FAAH: variants seen among roughly 807,000 people sequenced by gnomAD.
FAAH encodes the protein fatty acid amide hydrolase.
A neutral mutation model predicts 69.7 loss-of-function variants in FAAH; 63 were observed. The observed-to-expected ratio is 0.90, with a 90% confidence interval of 0.74 to 1.12. FAAH has a LOEUF of 1.12. Ranked by LOEUF, FAAH falls within the 50% of genes most tolerant of loss-of-function variation. The probability of loss-of-function intolerance (pLI) is 0.00; values close to 1 mark genes in which losing one functional copy is unlikely to be tolerated. For synonymous variants in FAAH, 305 were observed against 324.2 expected, an observed-to-expected ratio of 0.94 and a Z score of 0.64; for missense variants, 680 against 755.0, an observed-to-expected ratio of 0.90 and a Z score of 1.16.
At position 46,405,561 on chromosome 1, in the gene FAAH, G is replaced by T. The variant is rs780657412; in HGVS notation, c.579-27G>T. 2 of 1,613,068 alleles carry T rather than the reference G, an allele frequency of 1.2e-6. No homozygotes were observed. Among genetic ancestry groups the T allele is most frequent in the Admixed American group, 1.7e-5 (1 of 60,012 alleles). On this transcript the variant is annotated intron_variant, in intron 4 of 14. Coordinates refer to ENST00000243167, the MANE Select transcript of FAAH (RefSeq NM_001441.3). This position sits in a 1 kb window ranked among gnomAD's most constrained non-coding sequence, Gnocchi z 4.1. ...AGGGGCACCGGTCCCAGCATGGCAC[G>T]GGCTGACCCATTCTTGGCTCCTCCA...
In FAAH at chr1:46,405,956, A is replaced by G. The variant is rs1014290515; in HGVS notation, c.786-82A>G. 5 of 1,612,984 alleles carry G rather than the reference A, an allele frequency of 3.1e-6. No homozygotes were observed. The highest frequency in any genetic ancestry group is 1.3e-5 in the African/African-American group (1 of 74,864). ...GTGGGTCCTAGTTTCCAAAGCGGTG[A>G]GTGTTCAGAGCTGCTCTGTGGGTGT... On this transcript the variant is annotated intron_variant, in intron 5 of 14. Coordinates refer to ENST00000243167, the MANE Select transcript of FAAH (RefSeq NM_001441.3). This position sits in a 1 kb window ranked among gnomAD's most constrained non-coding sequence, Gnocchi z 4.1.
At chr1:46,398,999 C>G (rs1664650445) in intron 1 of FAAH, among the ~76,000 whole-genome samples, 1 of 152,128 alleles carries the variant, frequency 6.6e-6, no homozygotes, top group African/African-American at 2.4e-5. Flanking sequence ...CCACCCTGCC[C>G]CCTGAATAAG....
Position 46,406,068 on chromosome 1 carries a change from A to T in FAAH, c.816A>T (p.Gly272=). ...SKSGLKGCVY[G]QEAVRLSVGP... ...GTGGCCTGAAGGGCTGTGTCTATGG[A>T]CAGGAGGCAGGTGAGGTCCGTGGTG... Residue 272 remains glycine, a synonymous_variant, in exon 6 of 15, where the codon GGA becomes GGT. Transcript: ENST00000243167. The T allele has an allele frequency of 6.2e-7, 1 of 1,614,110 alleles. No individual in the cohort carries two copies. The highest frequency in any genetic ancestry group is 8.5e-7 in the Non-Finnish European group (1 of 1,180,016).
chr1:46,407,987 C>T (rs1664831728), intron 7 of FAAH, among the ~76,000 whole-genome samples: 1 of 152,056 alleles, frequency 6.6e-6, no homozygotes, highest in African/African-American at 2.4e-5. Flanking sequence ...CTCCCCCTCC[C>T]CAGGCAGAGG....
chr1:46,399,134 G>T (rs1664652631), intron 1 of FAAH, among the ~76,000 whole-genome samples: 1 of 152,130 alleles, frequency 6.6e-6, no homozygotes. Flanking sequence ...GTTTTACCCT[G>T]AATGGTTTTT....
rs1664916821 is a variant in FAAH, at chr1:46,411,678, C to T, written c.1356+27C>T. On this transcript the variant is annotated intron_variant, in intron 12 of 14. Coordinates refer to ENST00000243167, the MANE Select transcript of FAAH (RefSeq NM_001441.3). This position sits in a 1 kb window ranked among gnomAD's most constrained non-coding sequence, Gnocchi z 4.8. ...TGAGGCCAGAGCCTCTGGATTGGAG[C>T]AGGGTGGTGGGGGGAGGGTGGAGTT... 1 of 1,612,900 alleles carries T rather than the reference C, an allele frequency of 6.2e-7. No homozygotes were observed. Among genetic ancestry groups the T allele is most frequent in the Non-Finnish European group, 8.5e-7 (1 of 1,179,464 alleles).
rs202178653 is a variant in FAAH, at chr1:46,406,277, T to C, written c.860T>C (p.Val287Ala). Residue 287 changes from valine (V) to alanine (A), a missense_variant, in exon 7 of 15, where the codon GTG becomes GCG. Physicochemically the swap from Val to Ala is moderately conservative, Grantham distance 64. Coordinates refer to ENST00000243167, the MANE Select transcript of FAAH (RefSeq NM_001441.3). ...TCCGTGGGCCCCATGGCCCGGGACG[T>C]GGAGAGCCTGGCACTGTGCCTGCGA... ...RLSVGPMARD[V>A]ESLALCLRAL... The C allele has an allele frequency of 4.3e-5, 69 of 1,613,888 alleles. No homozygotes were observed. Among genetic ancestry groups the C allele is most frequent in the Non-Finnish European group, 5.3e-5 (63 of 1,179,996 alleles).
chr1:46,405,273 G>A lies in FAAH; in HGVS notation c.445-99G>A. 2 of 1,607,676 alleles carry A rather than the reference G, an allele frequency of 1.2e-6. No homozygotes were observed. Among genetic ancestry groups the A allele is most frequent in the Middle Eastern group, 3.9e-4 (2 of 5,192 alleles). ...TCCAGAGGCCTTCCGAGGGGACACT[G>A]GTATACCTGTTTTGGCCTGTGTGAC... is the stretch of plus-strand genomic sequence containing the variant. On this transcript the variant is annotated intron_variant, in intron 3 of 14. Coordinates refer to ENST00000243167, the MANE Select transcript of FAAH (RefSeq NM_001441.3). The surrounding 1 kb of genome is among the most constrained non-coding windows in gnomAD (Gnocchi z 4.1).
At position 46,411,541 on chromosome 1, in the gene FAAH, G is replaced by T. The variant is rs1664913144; in HGVS notation, c.1317-71G>T. 3.2e-6 allele frequency: 5 copies of T among 1,541,148 alleles called. No individual in the cohort carries two copies. The highest frequency in any genetic ancestry group is 2.7e-5 in the African/African-American group (2 of 73,416). ...AGGGGTGAGATCTAGAGGGTTGGCA[G>T]TAGGGGTCTGATGTTGCTGATCTCC... On this transcript the variant is annotated intron_variant, in intron 11 of 14. Coordinates refer to ENST00000243167, the MANE Select transcript of FAAH (RefSeq NM_001441.3). The surrounding 1 kb of genome is among the most constrained non-coding windows in gnomAD (Gnocchi z 4.8).
In FAAH at chr1:46,402,105, C is replaced by T; in HGVS notation, c.210C>T (p.Asp70=). The T allele has an allele frequency of 6.2e-7, 1 of 1,608,366 alleles. No homozygotes were observed. The highest frequency in any genetic ancestry group is 2.2e-5 in the East Asian group (1 of 44,698). Residue 70 remains aspartate (D), a synonymous_variant, in exon 2 of 15, where the codon GAC becomes GAT. Transcript: ENST00000243167. ...QRFRLQNPDL[D]SEALLALPLP... ...GTTCCCCACAGAACCCAGACCTGGACTCAGAGGCGCTGCTAGCCCTGCCCC... is the reference window on the plus strand; with the variant it reads ...GTTCCCCACAGAACCCAGACCTGGATTCAGAGGCGCTGCTAGCCCTGCCCC...
At chr1:46,413,385 T>C (rs1033308964) in intron 14 of FAAH, 62 bp from the exon 15 acceptor site, 6 of 1,612,904 alleles carry the variant, frequency 3.7e-6, no homozygotes, top group Admixed American at 1.7e-5. Context: ...GGGTGCTTCC[T>C]GGGCCTGGGG....
intron 1 of FAAH, among the ~76,000 whole-genome samples, chr1:46,396,811 A>C (rs1664605158): frequency 6.6e-6 from 1 of 152,202 alleles, no homozygotes; most frequent in Non-Finnish European, 1.5e-5. Flanking sequence ...TTACATAGAC[A>C]CAGTAACAGT....
intron 7 of FAAH, 35 bp downstream of exon 7, chr1:46,406,403 C>T: frequency 6.2e-7 from 1 of 1,613,354 alleles, no homozygotes. Flanking sequence ...ATGTGGACCG[C>T]TGAACCCAGA....
chr1:46,406,007 C>G (rs1265480233), intron 5 of FAAH, 31 bp from the exon 6 acceptor site: 1 of 1,614,098 alleles, frequency 6.2e-7, no homozygotes, highest in Admixed American at 1.7e-5. Flanking sequence ...TGGCCATTTC[C>G]TGTTTCCAGC....
intron 8 of FAAH, among the ~76,000 whole-genome samples, chr1:46,408,822 C>T (rs562724277): frequency 6.6e-6 from 1 of 152,314 alleles, no homozygotes; most frequent in African/African-American, 2.4e-5. Flanking sequence ...TGGGGAGGCT[C>T]TTCAGCTCTA....
At position 46,413,544 on chromosome 1, in the gene FAAH, G is replaced by C; in HGVS notation, c.1709G>C (p.Arg570Pro). Residue 570 changes from arginine (R) to proline (P), a missense_variant, in exon 15 of 15, where the codon CGA (arginine) becomes CCA (proline). Physicochemically the swap from Arg to Pro is moderately radical, Grantham distance 103. Coordinates refer to ENST00000243167, the MANE Select transcript of FAAH (RefSeq NM_001441.3). ...CTGCGGTTCATGCGGGAGGTGGAGC[G>C]ACTGATGACCCCTGAAAAGCAGTCA... ...LCLRFMREVE[R>P]LMTPEKQSS 2 of 1,614,002 alleles carry C rather than the reference G, an allele frequency of 1.2e-6. No individual in the cohort carries two copies. The highest frequency in any genetic ancestry group is 1.7e-6 in the Non-Finnish European group (2 of 1,179,966).
Position 46,410,508 on chromosome 1 carries a change from A to C in FAAH, c.1275+11A>C. The C allele has an allele frequency of 1.2e-6, 2 of 1,611,810 alleles. No homozygotes were observed. Among genetic ancestry groups the C allele is most frequent in the Non-Finnish European group, 1.7e-6 (2 of 1,177,994 alleles). On this transcript the variant is annotated intron_variant, in intron 10 of 14. Coordinates refer to ENST00000243167, the MANE Select transcript of FAAH (RefSeq NM_001441.3). The surrounding 1 kb of genome is among the most constrained non-coding windows in gnomAD (Gnocchi z 4.9). ...CTGGTGAAGCCTCTGGTGAGGGCAC[A>C]AGGAGTGGAGGGGCTAGGATGGCTG... is the stretch of plus-strand genomic sequence containing the variant.
At chr1:46,409,493 G>A (rs1346914926) in intron 9 of FAAH, among the ~76,000 whole-genome samples, 1 of 152,058 alleles carries the variant, frequency 6.6e-6, no homozygotes, top group Admixed American at 6.5e-5. Context: ...GAAGGATTTG[G>A]GCCAAGGGCA....
chr1:46,409,894 T>C (rs1012785049), intron 9 of FAAH, among the ~76,000 whole-genome samples: 15 of 152,104 alleles, frequency 9.9e-5, no homozygotes, highest in African/African-American at 3.6e-4. Context: ...TTCCTTTCCT[T>C]CCCCTAGCAG....
Sources: allele counts gnomAD v4.1 joint callset (sites outside exome capture counted in the v4.1 genomes callset), GRCh38; gene constraint gnomAD v4.1.1; non-coding constraint Gnocchi (gnomAD v3.1); transcripts MANE v1.5; gene names NCBI Gene and HGNC (gene_info 2026-07-23, HGNC 2026-07-21).